The following SLC28A1 variants were observed in gnomAD, a reference collection of about 807,000 sequenced individuals.
SLC28A1 encodes the protein solute carrier family 28 member 1, also known as sodium/nucleoside cotransporter 1.
A neutral mutation model predicts 74.8 loss-of-function variants in SLC28A1; 64 were observed. That is an observed-to-expected ratio of 0.86 (90% CI 0.70 to 1.05). The LOEUF is 1.05. Among genes scored for constraint, SLC28A1 ranks in the 50% least tolerant of loss-of-function variants. SLC28A1 has a pLI of 0.00. For missense variants in SLC28A1, 828 were observed against 822.8 expected, an observed-to-expected ratio of 1.01 and a Z score of -0.08; for synonymous variants, 359 against 335.0, an observed-to-expected ratio of 1.07 and a Z score of -0.78.
intron 15 of SLC28A1, 94 bp from the exon 16 acceptor site, chr15:84,943,351 T>C: frequency 4.7e-6 from 4 of 844,608 alleles, no homozygotes; most frequent in African/African-American, 1.7e-5. Flanking sequence ...ATGTAAGAAG[T>C]GGGTAAAATT....
Position 84,943,541 on chromosome 15 carries a change from G to A in SLC28A1, c.1663+15G>A. 6.3e-7 allele frequency: 1 copy of A among 1,595,988 alleles called. No homozygotes were observed. The highest frequency in any genetic ancestry group is 8.6e-7 in the Non-Finnish European group (1 of 1,163,410). On this transcript the variant is annotated intron_variant, in intron 16 of 18. Coordinates refer to ENST00000394573, the MANE Select transcript of SLC28A1 (RefSeq NM_004213.5). The stretch of plus-strand genomic sequence containing the variant: ...GGGAGGCTTGAGTGAGTCTAATCAG[G>A]GCCTCACCAGTGTCTAGGAGAGTCT...
chr15:84,885,791 G>C (rs1454198504), intron 1 of SLC28A1, among the ~76,000 whole-genome samples: 1 of 151,426 alleles, frequency 6.6e-6, no homozygotes, highest in Non-Finnish European at 1.5e-5. Context: ...CATCCCTGAG[G>C]GCTCAGATTC....
intron 12 of SLC28A1, among the ~76,000 whole-genome samples, chr15:84,932,708 T>C (rs1183411536): frequency 6.6e-6 from 1 of 152,240 alleles, no homozygotes; most frequent in East Asian, 1.9e-4. Context: ...CTGAAAGCAT[T>C]ACAAATTCCT....
chr15:84,895,165 C>G, intron 6 of SLC28A1, 42 bp downstream of exon 6: 3 of 1,609,456 alleles, frequency 1.9e-6, no homozygotes, highest in Non-Finnish European at 2.5e-6. Context: ...GGGGAGGGCC[C>G]ATGAGCTGAG....
At chr15:84,955,595 C>T in the SLC28A1 span, among the ~76,000 whole-genome samples, 1 of 152,174 alleles carries the variant, frequency 6.6e-6, no homozygotes, top group Middle Eastern at 3.2e-3. Context: ...TTTGGTTCAG[C>T]GGGACTGTGG....
rs930511711 is a variant in SLC28A1, at chr15:84,928,575, T to G, written c.1083+4465T>G. 1.2e-4 allele frequency among the ~76,000 whole-genome samples: 3 copies of G among 24,714 alleles called. 1 individual carries two copies. Among genetic ancestry groups the G allele is most frequent in the Non-Finnish European group, 1.3e-4 (2 of 15,460 alleles). 16.2% of individuals were successfully genotyped at this position (24,714 alleles called of 152,430 possible). On this transcript the variant is annotated intron_variant, in intron 12 of 18. Coordinates refer to ENST00000394573, the MANE Select transcript of SLC28A1 (RefSeq NM_004213.5). ...CTTTCTTTCTTTCTTTCTTTCTTTCTTTCTTTCTTTCTTTCTTTCTTTCTT... is the reference window on the plus strand; with the variant it reads ...CTTTCTTTCTTTCTTTCTTTCTTTCGTTCTTTCTTTCTTTCTTTCTTTCTT...
In SLC28A1 at chr15:84,943,617, A is replaced by G. The variant is rs543684018; in HGVS notation, c.1663+91A>G. 10 of 1,031,270 alleles carry G rather than the reference A, an allele frequency of 9.7e-6. No homozygotes were observed. The Admixed American group carries it at 1.1e-4, about 11-fold the overall frequency. 63.9% of individuals were successfully genotyped at this position (1,031,270 alleles called of 1,614,324 possible). ...TAGGCCTCAGTTGTCTCATTTGTCT[A>G]AAGCAGGACCCAAACAAGATGGCCA... is the stretch of plus-strand genomic sequence containing the variant. On this transcript the variant is annotated intron_variant, in intron 16 of 18. Transcript: ENST00000394573.
the SLC28A1 span, among the ~76,000 whole-genome samples, chr15:84,965,599 T>C: frequency 6.6e-6 from 1 of 152,138 alleles, no homozygotes; most frequent in Non-Finnish European, 1.5e-5. Context: ...TTTTGGCCAA[T>C]GAGATGAAAG....
chr15:84,940,452 G>C (rs1323080475), intron 15 of SLC28A1: 1 of 152,056 alleles, frequency 6.6e-6, no homozygotes, highest in Non-Finnish European at 1.5e-5. Flanking sequence ...AATGAATTTA[G>C]TGTGGGGGGG....
intron 13 of SLC28A1, among the ~76,000 whole-genome samples, chr15:84,933,633 C>T (rs1261429693): frequency 1.3e-5 from 2 of 152,114 alleles, no homozygotes; most frequent in Non-Finnish European, 2.9e-5. Flanking sequence ...GGGTGCCAGG[C>T]AGGGAACTGA....
the SLC28A1 span, among the ~76,000 whole-genome samples, chr15:84,973,135 C>T: frequency 6.6e-6 from 1 of 152,240 alleles, no homozygotes; most frequent in Non-Finnish European, 1.5e-5. Flanking sequence ...CTGTTCTTAG[C>T]TATCCTGGCC....
At chr15:84,915,949 G>GTTC (rs1490701973) in intron 9 of SLC28A1, among the ~76,000 whole-genome samples, 18 of 147,390 alleles carry the variant, frequency 1.2e-4, no homozygotes, top group African/African-American at 3.5e-4. Flanking sequence ...TGTTGTTGTT[G>GTTC]TTGTTCTTCT....
At chr15:84,933,090 G>T in intron 12 of SLC28A1, 55 bp from the exon 13 acceptor site, 1 of 1,605,488 alleles carries the variant, frequency 6.2e-7, no homozygotes, top group Non-Finnish European at 8.5e-7. Flanking sequence ...GCACTCCTTG[G>T]TCGCCAGCAT....
At chr15:84,969,630 A>G in the SLC28A1 span, among the ~76,000 whole-genome samples, 1 of 152,258 alleles carries the variant, frequency 6.6e-6, no homozygotes, top group Admixed American at 6.5e-5. Context: ...GGCAGGCTGC[A>G]GGAAATGACC....
chr15:84,929,498 C>T (rs1027063346), intron 12 of SLC28A1, among the ~76,000 whole-genome samples: 21 of 150,090 alleles, frequency 1.4e-4, no homozygotes, highest in African/African-American at 2.7e-4. Flanking sequence ...GAGCCGAGAT[C>T]GCCCCATTGC....
intron 4 of SLC28A1, 133 bp from the exon 5 acceptor site, chr15:84,890,309 TG>T (rs1965219109): frequency 2.8e-6 from 2 of 706,900 alleles, no homozygotes. Flanking sequence ...TGCAGCCCTG[TG>T]GGGATGTCAA....
intron 4 of SLC28A1, among the ~76,000 whole-genome samples, chr15:84,889,114 C>A (rs530749380): frequency 1.2e-4 from 19 of 152,260 alleles, no homozygotes; most frequent in African/African-American, 4.3e-4. Context: ...GTGGGGCCTG[C>A]CCTGAACCAG....
chr15:84,912,816 A>G (rs201770995), intron 9 of SLC28A1, among the ~76,000 whole-genome samples: 30,313 of 127,738 alleles, frequency 0.24, 3,489 homozygotes, highest in South Asian at 0.48. Context: ...GCACACACAC[A>G]CACACACACA....
Position 84,935,102 on chromosome 15 carries a change from A to G in SLC28A1, c.1291A>G (p.Asn431Asp). 2 of 1,614,098 alleles carry G rather than the reference A, an allele frequency of 1.2e-6. No homozygotes were observed. Among genetic ancestry groups the G allele is most frequent in the Non-Finnish European group, 1.7e-6 (2 of 1,179,944 alleles). Residue 431 changes from asparagine to aspartate, a missense_variant, in exon 14 of 19, where the codon AAC becomes GAC. By Grantham distance (23) the Asn-to-Asp change is conservative (BLOSUM62 1). Around this residue, in one of 3 missense-constraint regions of SLC28A1, gnomAD observed 767 missense variants for 753.5 expected, o/e 1.02. Coordinates refer to ENST00000394573, the MANE Select transcript of SLC28A1 (RefSeq NM_004213.5). The part of the protein sequence containing the change: ...SVKVVANIAA[N>D]LIAFLAVLDF... ...GAAGGTGGTCGCCAACATCGCTGCC[A>G]ACCTGATTGCGTTCCTGGCTGTGCT...
Sources: gnomAD v4.1 joint callset for allele counts (sites outside exome capture counted in the v4.1 genomes callset) on GRCh38, gnomAD v4.1.1 for gene constraint, gnomAD v4.1.1 regional missense constraint, MANE v1.5 for transcripts, NCBI Gene and HGNC (gene_info 2026-07-23, HGNC 2026-07-21) for gene names.